Variants in PTPRT observed in about 807,000 individuals in gnomAD.
The protein encoded by PTPRT is protein tyrosine phosphatase receptor type T.
Under a neutral mutation model 176.8 loss-of-function variants are expected in PTPRT, and 56 were observed. The observed-to-expected ratio is 0.32, with a 90% CI of 0.26 to 0.40. PTPRT has a LOEUF of 0.40. Ranked by LOEUF, PTPRT falls within the 10% of genes least tolerant of loss-of-function variation. PTPRT has a pLI of 1.00. For missense variants in PTPRT, 1,540 were observed against 1,908.2 expected, an observed-to-expected ratio of 0.81 and a Z score of 3.60; for synonymous variants, 783 against 739.0, an observed-to-expected ratio of 1.06 and a Z score of -0.96.
At chr20:42,419,153 T>C (rs1291476755) in intron 9 of PTPRT, among the ~76,000 whole-genome samples, 1 of 152,222 alleles carries the variant, frequency 6.6e-6, no homozygotes, top group African/African-American at 2.4e-5. Context: ...GACTTTTGTG[T>C]GTCCCTCTGA....
intron 3 of PTPRT, among the ~76,000 whole-genome samples, chr20:42,790,235 A>C (rs949264455): frequency 2.0e-5 from 3 of 152,158 alleles, no homozygotes; most frequent in African/African-American, 4.8e-5. Context: ...AAAAAAAAAA[A>C]AAACAAAACT....
chr20:42,313,118 G>A (rs1234752498), intron 12 of PTPRT, among the ~76,000 whole-genome samples: 1 of 152,080 alleles, frequency 6.6e-6, no homozygotes, highest in Admixed American at 6.5e-5. Context: ...AGTGACCTCT[G>A]GTAGACCTCA....
In PTPRT at chr20:42,083,118, CAA is replaced by C. The variant is rs3084622; in HGVS notation, c.4137-1103_4137-1102del. Among the ~76,000 whole-genome samples, 222 of 60,042 alleles carry C rather than the reference CAA, an allele frequency of 3.7e-3. 2 individuals carry two copies. The highest frequency in any genetic ancestry group is 0.016 in the African/African-American group (179 of 11,512). 39.4% of individuals were successfully genotyped at this position (60,042 alleles called of 152,430 possible). On this transcript the variant is annotated intron_variant, in intron 29 of 30. Transcript: ENST00000373187. The stretch of plus-strand genomic sequence containing the variant: ...GGACATAGATAAAAAGACACTAGTG[CAA>C]AAAAAAAAAAAAAAAAGCAGGCTAA...
intron 1 of PTPRT, among the ~76,000 whole-genome samples, chr20:43,156,957 T>C (rs575095408): frequency 2.0e-5 from 3 of 152,292 alleles, no homozygotes; most frequent in African/African-American, 7.2e-5. Context: ...GATGCATCAG[T>C]TGTCAGAAGC....
In PTPRT at chr20:42,161,463, C is replaced by T; in HGVS notation, c.2571G>A (p.Glu857=). The T allele has an allele frequency of 1.9e-6, 3 of 1,614,142 alleles. No individual in the cohort carries two copies. The highest frequency in any genetic ancestry group is 1.1e-5 in the South Asian group (1 of 91,068). The change falls in exon 17 of 31, where the codon GAG becomes GAA. Residue 857 remains glutamate, a synonymous_variant. Coordinates refer to ENST00000373187, the MANE Select transcript of PTPRT (RefSeq NM_007050.6). ...THPYRTCDPV[E]MSYPRDQFQP... Reference sequence around the variant, plus strand: ...GGAACTGGTCCCGGGGGTAGCTCATCTCCACAGGGTCACAGGTGCGGTAGG... The same window carrying T: ...GGAACTGGTCCCGGGGGTAGCTCATTTCCACAGGGTCACAGGTGCGGTAGG...
intron 9 of PTPRT, among the ~76,000 whole-genome samples, chr20:42,414,089 C>T (rs1303912042): frequency 6.6e-6 from 1 of 152,158 alleles, no homozygotes; most frequent in Non-Finnish European, 1.5e-5. Flanking sequence ...GCCTCCGCTT[C>T]CCAAAGTGCT....
At chr20:43,124,854 G>A (rs6072984) in intron 1 of PTPRT, among the ~76,000 whole-genome samples, 55,351 of 152,038 alleles carry the variant, frequency 0.36, 10,803 homozygotes, top group East Asian at 0.77. Flanking sequence ...ATGAGCAAAC[G>A]TGGAGTGTGA....
At chr20:42,458,985 C>T (rs1249911213) in intron 8 of PTPRT, among the ~76,000 whole-genome samples, 1 of 152,108 alleles carries the variant, frequency 6.6e-6, no homozygotes, top group African/African-American at 2.4e-5. Context: ...TACAGTATGT[C>T]AGATGATAAT....
chr20:42,182,648 A>G (rs182139348), intron 16 of PTPRT, among the ~76,000 whole-genome samples: 24 of 152,262 alleles, frequency 1.6e-4, no homozygotes, highest in Admixed American at 7.2e-4. Context: ...GAAAAACTCA[A>G]CTGGTCCCAT....
chr20:43,007,009 A>C (rs1388096094), intron 1 of PTPRT, among the ~76,000 whole-genome samples: 4 of 152,238 alleles, frequency 2.6e-5, no homozygotes, highest in African/African-American at 9.6e-5. Context: ...ATCAGCATGA[A>C]CTGAACCCAG....
chr20:42,232,813 C>CAAA (rs5841454), intron 15 of PTPRT, among the ~76,000 whole-genome samples: 4 of 63,216 alleles, frequency 6.3e-5, no homozygotes, highest in South Asian at 7.6e-4. Context: ...CTCTGTTTTA[C>CAAA]AAAAAAAAAA....
intron 8 of PTPRT, among the ~76,000 whole-genome samples, chr20:42,460,846 A>T (rs2071006319): frequency 6.6e-6 from 1 of 152,160 alleles, no homozygotes; most frequent in African/African-American, 2.4e-5. Context: ...TTCCTTTATA[A>T]ATTACACAGT....
intron 6 of PTPRT, among the ~76,000 whole-genome samples, chr20:42,751,370 C>T (rs1310689272): frequency 1.3e-5 from 2 of 152,098 alleles, no homozygotes; most frequent in Non-Finnish European, 2.9e-5. Flanking sequence ...GTCCCCAGAC[C>T]CGGGAATCAG....
intron 9 of PTPRT, among the ~76,000 whole-genome samples, chr20:42,443,855 T>C (rs1452272603): frequency 1.3e-5 from 2 of 152,202 alleles, no homozygotes; most frequent in Non-Finnish European, 2.9e-5. Context: ...AGGTATAAGG[T>C]CTTTTAATAA....
intron 18 of PTPRT, among the ~76,000 whole-genome samples, chr20:42,133,202 G>A (rs900381629): frequency 9.9e-5 from 15 of 152,102 alleles, no homozygotes; most frequent in African/African-American, 3.6e-4. Flanking sequence ...CATGTTTAAC[G>A]TAGGCTAGGC....
At chr20:42,838,315 G>A (rs932994540) in intron 2 of PTPRT, among the ~76,000 whole-genome samples, 5 of 152,194 alleles carry the variant, frequency 3.3e-5, no homozygotes, top group African/African-American at 1.2e-4. Flanking sequence ...ACTGCGCTCA[G>A]CCCAAAAACT....
In PTPRT at chr20:42,191,728, G is replaced by A. The variant is rs188090549; in HGVS notation, c.2491+7512C>T. On this transcript the variant is annotated intron_variant, in intron 16 of 30. Coordinates refer to ENST00000373187, the MANE Select transcript of PTPRT (RefSeq NM_007050.6). ...CCAGAGGGCAGACAAAGGCCAGCAC[G>A]TGGTTGCTGACTAATACATGGTTGT... Among the ~76,000 whole-genome samples the A allele has an allele frequency of 3.9e-3, 599 of 152,272 alleles. 1 individual carries two copies. Among genetic ancestry groups the A allele is most frequent in the Middle Eastern group, 6.8e-3 (2 of 294 alleles).
chr20:42,092,525 A>C (rs986294198), intron 27 of PTPRT, among the ~76,000 whole-genome samples: 2 of 152,242 alleles, frequency 1.3e-5, no homozygotes, highest in African/African-American at 4.8e-5. Flanking sequence ...GTAAGTACCA[A>C]GGCTACAATT....
At chr20:42,396,701 A>T (rs2058853925) in intron 9 of PTPRT, among the ~76,000 whole-genome samples, 1 of 152,166 alleles carries the variant, frequency 6.6e-6, no homozygotes, top group African/African-American at 2.4e-5. Context: ...AGCTGGGATT[A>T]CAGGCACCCA....
Sources: allele counts gnomAD v4.1 joint callset (sites outside exome capture counted in the v4.1 genomes callset), GRCh38; gene constraint gnomAD v4.1.1; transcripts MANE v1.5; gene names NCBI Gene and HGNC (gene_info 2026-07-23, HGNC 2026-07-21).